Variants in PLCL2 observed in about 807,000 individuals in gnomAD.
PLCL2 encodes inactive phospholipase C-like protein 2.
A neutral mutation model predicts 79.6 loss-of-function variants in PLCL2; 4 were observed. The ratio of observed to expected loss-of-function variants is 0.05; its 90% CI spans 0.02 to 0.11. The LOEUF (loss-of-function observed/expected upper bound fraction) is 0.11. Among genes scored for constraint, PLCL2 ranks in the 10% least tolerant of loss-of-function variants. The pLI is 1.00. For missense variants in PLCL2, 895 were observed against 1,291.0 expected (o/e 0.69, Z 4.70); for synonymous variants, 484 against 457.7 (o/e 1.06, Z -0.73).
At chr3:16,984,027 T>C (rs142044545) in intron 1 of PLCL2, among the ~76,000 whole-genome samples, 9 of 152,346 alleles carry the variant, frequency 5.9e-5, no homozygotes, top group African/African-American at 2.2e-4. Context: ...AATTGTTCTT[T>C]ACACTCAAGA....
chr3:17,021,955 C>G (rs2064459877), intron 3 of PLCL2, among the ~76,000 whole-genome samples: 2 of 152,042 alleles, frequency 1.3e-5, no homozygotes, highest in African/African-American at 2.4e-5. Context: ...GAAATGGGAC[C>G]CGGCTGTTAG....
intron 1 of PLCL2, among the ~76,000 whole-genome samples, chr3:16,938,634 G>A (rs1190005701): frequency 3.9e-5 from 6 of 152,174 alleles, no homozygotes; most frequent in African/African-American, 1.4e-4. Flanking sequence ...CATGTATAGT[G>A]CAAAGGTAGC....
intron 4 of PLCL2, among the ~76,000 whole-genome samples, chr3:17,047,364 A>G (rs967312277): frequency 6.4e-4 from 96 of 150,740 alleles, no homozygotes; most frequent in African/African-American, 2.2e-3. Flanking sequence ...TGATGCCTGC[A>G]TGCCTGGGAG....
chr3:16,948,508 A>G lies in PLCL2; in HGVS notation c.328-61166A>G, dbSNP rs2063622053. 3.3e-5 allele frequency among the ~76,000 whole-genome samples: 5 copies of G among 152,300 alleles called. No individual in the cohort carries two copies. The South Asian group carries it at 1.0e-3, about 32-fold the overall frequency. ...TCATTGAATTGTACACTTTAAATAG[A>G]TGTATTGTGTGGTGTGTGAATTATA... On this transcript the variant is annotated intron_variant, in intron 1 of 5. Transcript: ENST00000615277.
chr3:17,073,912 G>A (rs976995373), intron 5 of PLCL2, among the ~76,000 whole-genome samples: 9 of 152,092 alleles, frequency 5.9e-5, no homozygotes, highest in African/African-American at 9.6e-5. Context: ...CCCCACTGTC[G>A]TCATGAACCC....
At chr3:16,962,153 A>G (rs1475811865) in intron 1 of PLCL2, among the ~76,000 whole-genome samples, 1 of 152,244 alleles carries the variant, frequency 6.6e-6, no homozygotes, top group Non-Finnish European at 1.5e-5. Context: ...GGCAGTACAT[A>G]TGTAAGGAAT....
At chr3:16,928,555 A>G (rs1031503242) in intron 1 of PLCL2, among the ~76,000 whole-genome samples, 1 of 152,230 alleles carries the variant, frequency 6.6e-6, no homozygotes, top group African/African-American at 2.4e-5. Flanking sequence ...CAAAGGGTGC[A>G]GTCTGATGCT....
chr3:16,935,686 G>T (rs1225281525), intron 1 of PLCL2, among the ~76,000 whole-genome samples: 1 of 151,918 alleles, frequency 6.6e-6, no homozygotes, highest in Non-Finnish European at 1.5e-5. Flanking sequence ...TAATAATATT[G>T]GAATTTCTGG....
intron 1 of PLCL2, among the ~76,000 whole-genome samples, chr3:16,997,784 T>C (rs6805534): frequency 0.58 from 88,596 of 151,886 alleles, 26,068 homozygotes; most frequent in South Asian, 0.65. Context: ...ATGATCCACC[T>C]GCCTCGGCCT....
intron 1 of PLCL2, among the ~76,000 whole-genome samples, chr3:16,949,803 A>G (rs940811058): frequency 2.6e-5 from 4 of 152,112 alleles, no homozygotes; most frequent in African/African-American, 9.7e-5. Context: ...TTATTCTGGA[A>G]TATTTTGGGT....
chr3:17,013,852 G>A (rs968117847), intron 2 of PLCL2, among the ~76,000 whole-genome samples: 44 of 152,176 alleles, frequency 2.9e-4, no homozygotes, highest in Non-Finnish European at 2.9e-4. Flanking sequence ...GCAGCTTTCA[G>A]GTAAAATCTT....
In PLCL2 at chr3:16,942,564, T is replaced by C. The variant is rs561403134; in HGVS notation, c.327+57198T>C. On this transcript the variant is annotated intron_variant, in intron 1 of 5. Transcript: ENST00000615277. Reference sequence around the variant, plus strand: ...TGCTCCTTTAAGGGGTCACCACATTTCTTCTGTCCTAGCAGGGAGCCAGAC... The same window carrying C: ...TGCTCCTTTAAGGGGTCACCACATTCCTTCTGTCCTAGCAGGGAGCCAGAC... 1.7e-3 allele frequency among the ~76,000 whole-genome samples: 252 copies of C among 152,302 alleles called. 1 individual carries two copies. The highest frequency in any genetic ancestry group is 3.4e-3 in the Middle Eastern group (1 of 294).
rs112811728 is a variant in PLCL2, at chr3:17,031,594, G to A, written c.3019-11280G>A. On this transcript the variant is annotated intron_variant, in intron 3 of 5. Coordinates refer to ENST00000615277, the MANE Select transcript of PLCL2 (RefSeq NM_001144382.2). The stretch of plus-strand genomic sequence containing the variant: ...TGTACATCCTTGAGGTGACCATGGT[G>A]CAAAGCAATTTATCATGTGCTGTAA... Among the ~76,000 whole-genome samples the A allele has an allele frequency of 2.3e-3, 347 of 152,250 alleles. 3 individuals are homozygous for A. Among genetic ancestry groups the A allele is most frequent in the Middle Eastern group, 6.8e-3 (2 of 294 alleles).
intron 1 of PLCL2, among the ~76,000 whole-genome samples, chr3:16,901,251 A>G (rs1196513541): frequency 6.6e-6 from 1 of 152,206 alleles, no homozygotes; most frequent in Non-Finnish European, 1.5e-5. Flanking sequence ...CAAGAGTTAC[A>G]TGGAAGGGGC....
intron 5 of PLCL2, among the ~76,000 whole-genome samples, chr3:17,080,298 A>C (rs2065149761): frequency 6.6e-6 from 1 of 152,168 alleles, no homozygotes; most frequent in South Asian, 2.1e-4. Flanking sequence ...CTTCAGTGGG[A>C]AGTGGACCTG....
intron 1 of PLCL2, among the ~76,000 whole-genome samples, chr3:16,944,331 A>AG (rs2063581554): frequency 6.6e-6 from 1 of 152,086 alleles, no homozygotes; most frequent in African/African-American, 2.4e-5. Flanking sequence ...TTCAATGGGG[A>AG]GCCAGATGAC....
chr3:16,910,691 ATATGTCCTAC>A (rs1390418520), intron 1 of PLCL2, among the ~76,000 whole-genome samples: 1 of 151,970 alleles, frequency 6.6e-6, no homozygotes, highest in African/African-American at 2.4e-5. Context: ...ATCCAAGCAT[ATATGTCCTAC>A]TAGATTTTTC....
chr3:17,012,256 T>G (rs748248471), intron 2 of PLCL2, 96 bp downstream of exon 2: 32 of 1,106,152 alleles, frequency 2.9e-5, no homozygotes, highest in Non-Finnish European at 4.0e-5. Context: ...ATAGTATATT[T>G]AAGTAGTTTT....
At chr3:16,951,118 T>G (rs1205242816) in intron 1 of PLCL2, among the ~76,000 whole-genome samples, 2 of 152,102 alleles carry the variant, frequency 1.3e-5, no homozygotes, top group African/African-American at 4.8e-5. Flanking sequence ...CTGAATGGCT[T>G]TCTGTTTTTT....
Sources: gnomAD v4.1 joint callset for allele counts (sites outside exome capture counted in the v4.1 genomes callset) on GRCh38, gnomAD v4.1.1 for gene constraint, MANE v1.5 for transcripts, NCBI Gene and HGNC (gene_info 2026-07-23, HGNC 2026-07-21) for gene names.